Variants in RFX1 observed in about 807,000 individuals in gnomAD.
RFX1 encodes the protein MHC class II regulatory factor RFX1.
RFX1 carries 42 observed loss-of-function variants against 119.6 expected under a neutral mutation model. The observed-to-expected ratio is 0.35, with a 90% CI of 0.27 to 0.45. The LOEUF is 0.45. Ranked by LOEUF, RFX1 falls within the 20% of genes least tolerant of loss-of-function variation. The probability of loss-of-function intolerance (pLI) is 1.00; values close to 1 mark genes in which losing one functional copy is unlikely to be tolerated. For synonymous variants in RFX1, 628 were observed against 618.5 expected (o/e 1.02, Z -0.23); for missense variants, 1,118 against 1,368.1 (o/e 0.82, Z 2.88).
Position 13,965,785 on chromosome 19 carries a change from C to T in RFX1, c.1962-8G>A. 1 of 1,612,850 alleles carries T rather than the reference C, an allele frequency of 6.2e-7. No individual in the cohort carries two copies. The highest frequency in any genetic ancestry group is 8.5e-7 in the Non-Finnish European group (1 of 1,179,764). On this transcript the variant is annotated splice_region_variant and splice_polypyrimidine_tract_variant and intron_variant, in intron 14 of 20. Transcript: ENST00000254325. The surrounding 1 kb of genome is among the most constrained non-coding windows in gnomAD (Gnocchi z 4.7). The stretch of plus-strand genomic sequence containing the variant: ...TTCTCGGCCTCGTCATGTCTGCGGG[C>T]ACCCACCCCACCCCGGGTCACTGGG...
At chr19:13,982,951 A>G (rs1974474090) in intron 4 of RFX1, 7 of 534,822 alleles carry the variant, frequency 1.3e-5, no homozygotes, top group East Asian at 3.3e-5. Flanking sequence ...CACCTTCCCA[A>G]CTATACATCT....
rs1425595017 is a variant in RFX1 at position 13,961,748 on chromosome 19, TC to T, written c.*946del. On this transcript the variant is annotated 3_prime_UTR_variant, in exon 21 of 21. Transcript: ENST00000254325. ...AATAGGTCAGATTTCCATTTTTTTT[TC>T]CTTTTTCTTGCCATAAACATCTATC... 1 of 152,308 alleles carries T rather than the reference TC, an allele frequency of 6.6e-6. No homozygotes were observed. Among genetic ancestry groups the T allele is most frequent in the East Asian group, 1.9e-4 (1 of 5,184 alleles). 9.4% of individuals were successfully genotyped at this position (152,308 alleles called of 1,614,324 possible).
intron 3 of RFX1, 44 bp downstream of exon 3, chr19:13,983,442 C>A: frequency 1.4e-6 from 2 of 1,469,048 alleles, no homozygotes; most frequent in Middle Eastern, 1.7e-4. Flanking sequence ...TGCACTGCCC[C>A]CCTCCCGGGC....
Position 13,965,414 on chromosome 19 carries a change from A to C in RFX1, c.2211+35T>G. ...CAGAGGAGACGGAGGCCTAAGCCCCAGAGATAGGAGAAAGGGACCCCCTCA... is the reference window on the plus strand; with the variant it reads ...CAGAGGAGACGGAGGCCTAAGCCCCCGAGATAGGAGAAAGGGACCCCCTCA... On this transcript the variant is annotated intron_variant, in intron 16 of 20. Transcript: ENST00000254325. The surrounding 1 kb of genome is among the most constrained non-coding windows in gnomAD (Gnocchi z 4.7). 3.8e-6 allele frequency: 6 copies of C among 1,582,814 alleles called. No individual in the cohort carries two copies. Among genetic ancestry groups the C allele is most frequent in the African/African-American group, 2.7e-5 (2 of 74,422 alleles).
In RFX1 at chr19:13,967,344, CT is replaced by C. The variant is rs1028736732; in HGVS notation, c.1733-594del. Reference sequence around the variant, plus strand: ...TTTCATGGATTGTTGTTTACTTTGTCTTTTTTTTTTTTTAAGAGATGGGGTC... The same window carrying C: ...TTTCATGGATTGTTGTTTACTTTGTCTTTTTTTTTTTTAAGAGATGGGGTC... On this transcript the variant is annotated intron_variant, in intron 12 of 20. Transcript: ENST00000254325. Among the ~76,000 whole-genome samples the C allele has an allele frequency of 5.0e-3, 724 of 144,040 alleles. 1 individual carries two copies. The highest frequency in any genetic ancestry group is 5.7e-3 in the Non-Finnish European group (373 of 65,234). The allele number at this position is 144,040 out of a possible 152,430, so 94.5% of individuals were successfully genotyped here.
At chr19:13,994,918 A>G (rs1208048504) in intron 1 of RFX1, among the ~76,000 whole-genome samples, 2 of 94,398 alleles carry the variant, frequency 2.1e-5, no homozygotes, top group Admixed American at 1.0e-4. Flanking sequence ...ATATATATAT[A>G]TATATATATA....
chr19:13,983,098 G>A, intron 4 of RFX1, 89 bp downstream of exon 4: 1 of 1,025,042 alleles, frequency 9.8e-7, no homozygotes, highest in Admixed American at 2.1e-5. Context: ...CCTCCATCCT[G>A]GTGAGGACAG....
intron 8 of RFX1, among the ~76,000 whole-genome samples, chr19:13,975,943 C>T (rs536897019): frequency 1.6e-4 from 25 of 152,286 alleles, no homozygotes; most frequent in Admixed American, 3.3e-4. Context: ...CCGATAGCAA[C>T]GATGAACTAG....
At chr19:13,963,429 C>T in intron 18 of RFX1, 109 bp downstream of exon 18, 1 of 1,428,154 alleles carries the variant, frequency 7.0e-7, no homozygotes, top group South Asian at 1.3e-5. Context: ...GGGCCCCAGC[C>T]TGCCCGCCCA....
chr19:13,975,528 A>G (rs758902752), intron 8 of RFX1, among the ~76,000 whole-genome samples: 3 of 152,108 alleles, frequency 2.0e-5, no homozygotes, highest in Non-Finnish European at 4.4e-5. Context: ...ATATGGAAGC[A>G]TGGTCTTTGT....
At chr19:13,988,353 G>A (rs1974682890) in intron 2 of RFX1, among the ~76,000 whole-genome samples, 1 of 152,164 alleles carries the variant, frequency 6.6e-6, no homozygotes, top group Non-Finnish European at 1.5e-5. Flanking sequence ...GGGAAGAGCT[G>A]GAGAAGCCAA....
intron 1 of RFX1, among the ~76,000 whole-genome samples, chr19:13,999,832 T>C (rs1975154625): frequency 6.6e-6 from 1 of 152,122 alleles, no homozygotes; most frequent in African/African-American, 2.4e-5. Context: ...CCCACCACCA[T>C]GCCTGGCTAG....
In RFX1 at chr19:13,966,713, G is replaced by C. The variant is rs770484234; in HGVS notation, c.1771C>G (p.Leu591Val). The change falls in exon 13 of 21, where the codon CTC becomes GTC. Residue 591 changes from leucine to valine, a missense_variant. Physicochemically the swap from Leu to Val is conservative, Grantham distance 32. Transcript: ENST00000254325. This position sits in a 1 kb window ranked among gnomAD's most constrained non-coding sequence, Gnocchi z 6.3. The part of the protein sequence containing the change: ...RSLPDFTELD[L>V]QGKVLPEGVG... ...CCCTCAGGCAGCACCTTGCCCTGGA[G>C]GTCGAGCTCTGTGAAGTCAGGGAGG... The C allele has an allele frequency of 5.6e-6, 9 of 1,611,168 alleles. No homozygotes were observed. The highest frequency in any genetic ancestry group is 1.6e-4 in the Middle Eastern group (1 of 6,070).
chr19:13,971,458 T>TG (rs1974076634), intron 9 of RFX1, among the ~76,000 whole-genome samples: 1 of 151,910 alleles, frequency 6.6e-6, no homozygotes, highest in Non-Finnish European at 1.5e-5. Flanking sequence ...AGGGCCCGGT[T>TG]GGGGTTGGAA....
chr19:13,988,217 G>A (rs149938265), intron 2 of RFX1, among the ~76,000 whole-genome samples: 1,947 of 152,110 alleles, frequency 0.013, 17 homozygotes, highest in Non-Finnish European at 0.017. Context: ...ATTAGAGACG[G>A]GGTTTCATCA....
chr19:13,979,006 G>A (rs1974346051), intron 7 of RFX1, among the ~76,000 whole-genome samples: 1 of 151,602 alleles, frequency 6.6e-6, no homozygotes, highest in East Asian at 1.9e-4. Context: ...CGGCCGGGGC[G>A]GCGGCTCCGG....
intron 1 of RFX1, among the ~76,000 whole-genome samples, chr19:14,000,777 A>C (rs575004736): frequency 2.2e-4 from 33 of 152,136 alleles, no homozygotes; most frequent in Admixed American, 7.2e-4. Context: ...CAGTCTGGGC[A>C]ACAGAACAAG....
At chr19:14,006,666 C>G (rs1975391723), upstream of RFX1, 1 of 152,290 alleles carries the variant, frequency 6.6e-6, no homozygotes, top group African/African-American at 2.4e-5. Flanking sequence ...GCCGCGCTCT[C>G]TGGCTGGAGG....
At chr19:13,994,462 T>C (rs1326043036) in intron 1 of RFX1, among the ~76,000 whole-genome samples, 1 of 152,096 alleles carries the variant, frequency 6.6e-6, no homozygotes, top group Non-Finnish European at 1.5e-5. Context: ...ATGCCTGCAA[T>C]TCCAGCACTT....
Sources: gnomAD v4.1 joint callset for allele counts (sites outside exome capture counted in the v4.1 genomes callset) on GRCh38, gnomAD v4.1.1 for gene constraint, Gnocchi (gnomAD v3.1) non-coding constraint, MANE v1.5 for transcripts, NCBI Gene and HGNC (gene_info 2026-07-23, HGNC 2026-07-21) for gene names.